Variants in ZNF596 observed in about 807,000 individuals in gnomAD.
The protein encoded by ZNF596 is zinc finger protein 596.
ZNF596 carries 45 observed loss-of-function variants against 48.3 expected under a neutral mutation model. The observed-to-expected ratio is 0.93, with a 90% confidence interval of 0.73 to 1.19. The LOEUF (loss-of-function observed/expected upper bound fraction) is 1.19. Among genes scored for constraint, ZNF596 ranks in the 50% most tolerant of loss-of-function variants. The probability of loss-of-function intolerance (pLI) is 0.00; values close to 1 mark genes in which losing one functional copy is unlikely to be tolerated. For synonymous variants in ZNF596, 270 were observed against 202.0 expected (o/e 1.34, Z -2.85); for missense variants, 848 against 599.7 (o/e 1.41, Z -4.32).
At chr8:241,882 C>T (rs1796866870) in intron 2 of ZNF596, among the ~76,000 whole-genome samples, 2 of 152,128 alleles carry the variant, frequency 1.3e-5, no homozygotes, top group South Asian at 4.1e-4. Context: ...GAAGGGGAAG[C>T]AAGCACCTTC....
chr8:232,147 G>T (rs904313008), upstream of ZNF596: 46 of 152,098 alleles, frequency 3.0e-4, no homozygotes, highest in African/African-American at 1.1e-3. Flanking sequence ...AAGTTGGGTG[G>T]AAGCAGCGCG....
At chr8:237,660 G>A (rs1796674466) in intron 1 of ZNF596, 1 of 152,042 alleles carries the variant, frequency 6.6e-6, no homozygotes, top group Non-Finnish European at 1.5e-5. Context: ...ACTCTATCAT[G>A]TTTGTGGAAT....
intron 1 of ZNF596, among the ~76,000 whole-genome samples, chr8:239,699 G>C (rs1036701385): frequency 1.3e-5 from 2 of 152,154 alleles, no homozygotes; most frequent in Admixed American, 1.3e-4. Flanking sequence ...CATTGTTTCA[G>C]CATATGGATG....
chr8:244,747 G>C, intron 5 of ZNF596, 46 bp downstream of exon 5: 7 of 1,509,682 alleles, frequency 4.6e-6, no homozygotes, highest in Non-Finnish European at 5.5e-6. Context: ...TAGAAACCTG[G>C]ACATTAAACA....
intron 1 of ZNF596, chr8:233,485 T>C (rs527942002): frequency 4.8e-4 from 114 of 238,690 alleles, no homozygotes; most frequent in Admixed American, 2.0e-3. Context: ...ATAATGATGA[T>C]TTGAGTTAGT....
chr8:246,284 A>T lies in ZNF596; in HGVS notation c.1437A>T (p.Leu479=), dbSNP rs144857602. 2 of 1,610,670 alleles carry T rather than the reference A, an allele frequency of 1.2e-6. No individual in the cohort carries two copies. Among genetic ancestry groups the T allele is most frequent in the Non-Finnish European group, 1.7e-6 (2 of 1,179,058 alleles). ...HTGEKPYVCP[L]CGKAFSKFFN... The stretch of plus-strand genomic sequence containing the variant: ...GAGAGAAACCATATGTATGTCCTCT[A>T]TGTGGGAAAGCCTTTAGTAAATTTT... The change falls in exon 6 of 6, where the codon CTA becomes CTT. Residue 479 remains leucine (L), a synonymous_variant. Transcript: ENST00000398612.
chr8:240,561 A>T, intron 1 of ZNF596: 1 of 282,306 alleles, frequency 3.5e-6, no homozygotes, highest in Non-Finnish European at 6.6e-6. Flanking sequence ...AAGGAATTAA[A>T]CATTTCAGAA....
intron 4 of ZNF596, chr8:244,333 GA>G: frequency 2.7e-6 from 1 of 363,998 alleles, no homozygotes. Flanking sequence ...TTGTAAAGGG[GA>G]TATTTGTGTA....
At position 246,071 on chromosome 8, in the gene ZNF596, A is replaced by G. The variant is rs776720104; in HGVS notation, c.1224A>G (p.Arg408=). 2 of 1,614,006 alleles carry G rather than the reference A, an allele frequency of 1.2e-6. No individual in the cohort carries two copies. The highest frequency in any genetic ancestry group is 2.2e-5 in the South Asian group (2 of 91,090). ...KAFTESSDLR[R]HERTHTGEKP... ...TCACTGAATCTTCTGACCTCAGACG[A>G]CATGAGAGAACTCACACTGGAGAAA... Residue 408 remains arginine, a synonymous_variant, in exon 6 of 6, where the codon CGA becomes CGG. Coordinates refer to ENST00000398612, the MANE Select transcript of ZNF596 (RefSeq NM_001042416.3).
intron 5 of ZNF596, 70 bp downstream of exon 5, chr8:244,771 G>A (rs1796996967): frequency 5.3e-6 from 7 of 1,314,038 alleles, no homozygotes; most frequent in Non-Finnish European, 7.5e-6. Context: ...TTGGAATTTG[G>A]TACAGGTACC....
intron 1 of ZNF596, chr8:240,457 A>AC (rs1796807483): frequency 5.5e-6 from 1 of 183,080 alleles, no homozygotes; most frequent in African/African-American, 2.4e-5. Context: ...AAGCACACAA[A>AC]CCGAGAATAA....
intron 1 of ZNF596, chr8:234,796 A>C (rs1480352137): frequency 6.6e-6 from 1 of 152,192 alleles, no homozygotes; most frequent in Non-Finnish European, 1.5e-5. Context: ...TCATATGGGA[A>C]GGGCTTCACA....
rs549116533 is a variant in ZNF596 at position 232,866 on chromosome 8, C to G, written c.-73+172C>G. 295 of 460,772 alleles carry G rather than the reference C, an allele frequency of 6.4e-4. 1 individual carries two copies. Among genetic ancestry groups the G allele is most frequent in the African/African-American group, 5.6e-3 (266 of 47,866 alleles). The allele number at this position is 460,772 out of a possible 1,614,324, so 28.5% of individuals were successfully genotyped here. Reference sequence around the variant, plus strand: ...ACCCCACGCTTCGGGGTGGCCGCCTCAGACAGGACCCTGAGTCCGAGACTG... The same window carrying G: ...ACCCCACGCTTCGGGGTGGCCGCCTGAGACAGGACCCTGAGTCCGAGACTG... On this transcript the variant is annotated intron_variant, in intron 1 of 5. Transcript: ENST00000398612.
At chr8:244,947 T>C (rs3008291) in intron 5 of ZNF596, among the ~76,000 whole-genome samples, 52,542 of 152,040 alleles carry the variant, frequency 0.35, 9,254 homozygotes, top group African/African-American at 0.41. Context: ...ACTAGTCAGA[T>C]AGCTCTTCAG....
rs777927639 is a variant in ZNF596, at chr8:246,023, G to C, written c.1176G>C (p.Glu392Asp). The C allele has an allele frequency of 1.9e-6, 3 of 1,610,022 alleles. No individual in the cohort carries two copies. The highest frequency in any genetic ancestry group is 2.5e-6 in the Non-Finnish European group (3 of 1,178,932). ...ERIHTGEKPY[E>D]CHVCGKAFTE... The stretch of plus-strand genomic sequence containing the variant: ...TTCACACTGGAGAGAAACCATATGA[G>C]TGCCATGTATGTGGGAAAGCCTTCA... Residue 392 changes from glutamate (E) to aspartate (D), a missense_variant, in exon 6 of 6, where the codon GAG becomes GAC. Glu to Asp is a conservative substitution (Grantham distance 45). Coordinates refer to ENST00000398612, the MANE Select transcript of ZNF596 (RefSeq NM_001042416.3).
chr8:243,098 C>T (rs753879887), intron 3 of ZNF596, 85 bp downstream of exon 3: 62 of 1,333,968 alleles, frequency 4.6e-5, no homozygotes, highest in Non-Finnish European at 5.6e-5. Flanking sequence ...TCATTCTACA[C>T]GTGCTTAGAA....
chr8:244,340 G>A, intron 4 of ZNF596: 1 of 386,964 alleles, frequency 2.6e-6, no homozygotes, highest in Non-Finnish European at 4.6e-6. Context: ...GGGGATATTT[G>A]TGTACTTATT....
At chr8:245,056 G>A in intron 5 of ZNF596, 98 bp from the exon 6 acceptor site, 2 of 1,391,556 alleles carry the variant, frequency 1.4e-6, no homozygotes, top group Middle Eastern at 2.5e-4. Flanking sequence ...GTCTACCACT[G>A]AATGATTATT....
At chr8:240,979 T>G in intron 2 of ZNF596, 72 bp downstream of exon 2, 1 of 1,570,228 alleles carries the variant, frequency 6.4e-7, no homozygotes, top group East Asian at 2.2e-5. Context: ...TTCATCCTAT[T>G]AACATGGATG....
Sources: gnomAD v4.1 joint callset for allele counts (sites outside exome capture counted in the v4.1 genomes callset) on GRCh38, gnomAD v4.1.1 for gene constraint, MANE v1.5 for transcripts, NCBI Gene and HGNC (gene_info 2026-07-23, HGNC 2026-07-21) for gene names.